Variants in RALYL observed in about 807,000 individuals in gnomAD.
The protein encoded by RALYL is RNA-binding Raly-like protein.
Under a neutral mutation model 35.1 loss-of-function variants are expected in RALYL, and 29 were observed. The ratio of observed to expected loss-of-function variants is 0.83; its 90% CI spans 0.61 to 1.13. The LOEUF is 1.13. Among genes scored for constraint, RALYL ranks in the 50% most tolerant of loss-of-function variants. RALYL has a pLI of 0.00. For missense variants in RALYL, 359 were observed against 360.4 expected (o/e 1.00, Z 0.03); for synonymous variants, 120 against 127.6 (o/e 0.94, Z 0.40).
chr8:84,808,937 C>T (rs1825293394), intron 4 of RALYL, among the ~76,000 whole-genome samples: 1 of 152,108 alleles, frequency 6.6e-6, no homozygotes, highest in South Asian at 2.1e-4. Context: ...GGAAAACAAT[C>T]ATATTGTTAG....
intron 2 of RALYL, among the ~76,000 whole-genome samples, chr8:84,680,038 T>C (rs1019475869): frequency 6.6e-6 from 1 of 151,954 alleles, no homozygotes; most frequent in African/African-American, 2.4e-5. Flanking sequence ...TGTGTGATGT[T>C]CCCTTCCTGT....
At chr8:84,197,858 TTTG>T (rs565372895) in intron 1 of RALYL, among the ~76,000 whole-genome samples, 184 of 151,764 alleles carry the variant, frequency 1.2e-3, no homozygotes, top group African/African-American at 4.2e-3. Context: ...CTCTTTTTTG[TTTG>T]TTTGTTTTCT....
At position 84,651,959 on chromosome 8, in the gene RALYL, C is replaced by T. The variant is rs553390107; in HGVS notation, c.256+122382C>T. Among the ~76,000 whole-genome samples the T allele has an allele frequency of 6.6e-5, 10 of 152,072 alleles. No individual in the cohort carries two copies. The East Asian group carries it at 1.9e-3, about 29-fold the overall frequency. ...ATGAGAATATTTCTACAAGTCTTTG[C>T]ATAGTAAAGATCTTAGAATCTTTTG... On this transcript the variant is annotated intron_variant, in intron 2 of 8. Transcript: ENST00000521268.
At chr8:84,314,138 T>G (rs896720416) in intron 1 of RALYL, among the ~76,000 whole-genome samples, 5 of 152,030 alleles carry the variant, frequency 3.3e-5, no homozygotes, top group African/African-American at 1.2e-4. Context: ...GGGTAAACAC[T>G]GGACACTTAT....
At chr8:84,368,529 A>G (rs1405011024) in intron 1 of RALYL, among the ~76,000 whole-genome samples, 1 of 152,146 alleles carries the variant, frequency 6.6e-6, no homozygotes, top group South Asian at 2.1e-4. Context: ...CAATTTACAA[A>G]AGAAAGAGGT....
chr8:84,359,076 C>G (rs1852420175), intron 1 of RALYL, among the ~76,000 whole-genome samples: 1 of 151,920 alleles, frequency 6.6e-6, no homozygotes, highest in South Asian at 2.1e-4. Context: ...ACATGCACCA[C>G]AAAGTATTTA....
chr8:84,652,567 G>T (rs1829069386), intron 2 of RALYL, among the ~76,000 whole-genome samples: 1 of 151,864 alleles, frequency 6.6e-6, no homozygotes, highest in Admixed American at 6.6e-5. Context: ...TTTTAAAATG[G>T]CTCTTTATTA....
chr8:84,869,280 T>G (rs1015881820), intron 6 of RALYL, among the ~76,000 whole-genome samples: 22 of 152,206 alleles, frequency 1.4e-4, no homozygotes, highest in African/African-American at 4.8e-4. Flanking sequence ...CATCATCAGA[T>G]TCTCAGATTC....
intron 2 of RALYL, among the ~76,000 whole-genome samples, chr8:84,531,365 T>C (rs1219126854): frequency 6.6e-6 from 1 of 152,136 alleles, no homozygotes; most frequent in Non-Finnish European, 1.5e-5. Context: ...GGTAAGTGCC[T>C]GATATTTAAC....
intron 1 of RALYL, among the ~76,000 whole-genome samples, chr8:84,511,529 A>G (rs1236567009): frequency 6.6e-6 from 1 of 152,152 alleles, no homozygotes; most frequent in African/African-American, 2.4e-5. Context: ...CATCACCTGG[A>G]GCATATATAA....
chr8:84,333,183 C>T (rs965189597), intron 1 of RALYL, among the ~76,000 whole-genome samples: 1 of 152,066 alleles, frequency 6.6e-6, no homozygotes, highest in Non-Finnish European at 1.5e-5. Context: ...TTGGAATAAC[C>T]ATTGCATGTT....
intron 2 of RALYL, among the ~76,000 whole-genome samples, chr8:84,563,977 C>T (rs2061620006): frequency 6.6e-6 from 1 of 150,844 alleles, no homozygotes; most frequent in African/African-American, 2.4e-5. Flanking sequence ...TGAGAATTTC[C>T]CTGGGGGAAT....
intron 1 of RALYL, among the ~76,000 whole-genome samples, chr8:84,359,277 T>TTGAA (rs1386528827): frequency 6.6e-6 from 1 of 151,772 alleles, no homozygotes; most frequent in Non-Finnish European, 1.5e-5. Flanking sequence ...ATTTTCATTA[T>TTGAA]TGAATGCTAT....
At chr8:84,616,721 T>A (rs923766605) in intron 2 of RALYL, among the ~76,000 whole-genome samples, 20 of 151,232 alleles carry the variant, frequency 1.3e-4, no homozygotes, top group Non-Finnish European at 2.1e-4. Flanking sequence ...TTTTATGGTT[T>A]TAGGTCTAAC....
intron 2 of RALYL, among the ~76,000 whole-genome samples, chr8:84,751,196 T>C (rs1382149877): frequency 6.6e-6 from 1 of 151,994 alleles, no homozygotes; most frequent in Non-Finnish European, 1.5e-5. Context: ...TAAACATCCC[T>C]CAAAAATGCT....
At chr8:84,235,830 G>A (rs1388319888) in intron 1 of RALYL, among the ~76,000 whole-genome samples, 2 of 146,406 alleles carry the variant, frequency 1.4e-5, no homozygotes, top group East Asian at 4.1e-4. Flanking sequence ...GCAGTGGTGC[G>A]ATCTCGGCTC....
intron 4 of RALYL, among the ~76,000 whole-genome samples, chr8:84,820,990 T>C (rs1828391927): frequency 6.6e-6 from 1 of 152,144 alleles, no homozygotes; most frequent in Non-Finnish European, 1.5e-5. Context: ...GTCCTGAAAA[T>C]AATCACTAAA....
intron 4 of RALYL, among the ~76,000 whole-genome samples, chr8:84,817,315 C>G (rs953238056): frequency 1.3e-5 from 2 of 152,080 alleles, no homozygotes; most frequent in African/African-American, 4.8e-5. Flanking sequence ...AAGACTCACA[C>G]TATTTTACAT....
intron 2 of RALYL, among the ~76,000 whole-genome samples, chr8:84,670,328 A>G (rs1487100379): frequency 2.6e-5 from 4 of 152,188 alleles, no homozygotes; most frequent in Non-Finnish European, 5.9e-5. Flanking sequence ...TTCAACTCAT[A>G]TTGAACACAA....
Sources: gnomAD v4.1 joint callset for allele counts (sites outside exome capture counted in the v4.1 genomes callset) on GRCh38, gnomAD v4.1.1 for gene constraint, MANE v1.5 for transcripts, NCBI Gene and HGNC (gene_info 2026-07-23, HGNC 2026-07-21) for gene names.